Variants in CAST observed in about 807,000 individuals in gnomAD.
CAST encodes MIR583 host.
In CAST, 76 loss-of-function variants were observed where a neutral mutation model predicts 119.6. That is an observed-to-expected ratio of 0.64 (90% CI 0.53 to 0.77). The LOEUF (loss-of-function observed/expected upper bound fraction) is 0.77. Among genes scored for constraint, CAST ranks in the 30% least tolerant of loss-of-function variants. The probability of loss-of-function intolerance (pLI) is 0.00; values close to 1 mark genes in which losing one functional copy is unlikely to be tolerated. For missense variants in CAST, 953 were observed against 946.5 expected (o/e 1.01, Z -0.09); for synonymous variants, 319 against 331.6 (o/e 0.96, Z 0.41).
chr5:96,601,863 G>A (rs4869295), intron 1 of CAST, among the ~76,000 whole-genome samples: 2,154 of 152,106 alleles, frequency 0.014, 38 homozygotes, highest in African/African-American at 0.038. Flanking sequence ...GATAAGCACC[G>A]TAATGCTAAT....
At chr5:96,646,064 A>T (rs1190851390) in intron 1 of CAST, among the ~76,000 whole-genome samples, 2 of 152,166 alleles carry the variant, frequency 1.3e-5, no homozygotes, top group East Asian at 1.9e-4. Flanking sequence ...AATATATATT[A>T]AAACCACAAG....
At chr5:96,475,526 T>C in the CAST span, among the ~76,000 whole-genome samples, 2 of 152,188 alleles carry the variant, frequency 1.3e-5, no homozygotes, top group Non-Finnish European at 2.9e-5. Context: ...TGTGAAATAG[T>C]ACAAGGACAG....
the CAST span, among the ~76,000 whole-genome samples, chr5:96,172,027 G>T: frequency 6.6e-6 from 1 of 151,968 alleles, no homozygotes; most frequent in Non-Finnish European, 1.5e-5. Context: ...GAGCAATAAA[G>T]CTTTTTAATC....
the CAST span, among the ~76,000 whole-genome samples, chr5:96,232,699 T>C: frequency 6.6e-6 from 1 of 152,034 alleles, no homozygotes; most frequent in African/African-American, 2.4e-5. Flanking sequence ...AATTATAAGG[T>C]TCCTATTAAA....
chr5:95,983,098 A>G, the CAST span, among the ~76,000 whole-genome samples: 1 of 152,252 alleles, frequency 6.6e-6, no homozygotes, highest in African/African-American at 2.4e-5. Flanking sequence ...GTATGGTTCT[A>G]TTTACTTAAA....
At chr5:96,407,321 G>C in the CAST span, among the ~76,000 whole-genome samples, 2 of 152,160 alleles carry the variant, frequency 1.3e-5, no homozygotes, top group Non-Finnish European at 2.9e-5. Context: ...AGCAACCCCA[G>C]AAGACAAAGA....
chr5:96,763,340 C>A, intron 25 of CAST: 1 of 755,614 alleles, frequency 1.3e-6, no homozygotes, highest in Admixed American at 1.8e-5. Flanking sequence ...CAGTAAAATG[C>A]CCCGTGTGTG....
At chr5:96,674,921 TA>T (rs1212508955) in intron 1 of CAST, among the ~76,000 whole-genome samples, 2 of 152,348 alleles carry the variant, frequency 1.3e-5, no homozygotes, top group African/African-American at 4.8e-5. Context: ...TTGTACCCCA[TA>T]AAGATGTATG....
chr5:96,120,023 T>C, the CAST span, among the ~76,000 whole-genome samples: 10 of 152,310 alleles, frequency 6.6e-5, no homozygotes, highest in Admixed American at 3.3e-4. Context: ...TATTCCGAGA[T>C]ATCTTTCACT....
chr5:96,401,449 A>G, the CAST span, among the ~76,000 whole-genome samples: 1 of 152,192 alleles, frequency 6.6e-6, no homozygotes, highest in Admixed American at 6.5e-5. Context: ...CCAGAAAGGG[A>G]GCTTATACTT....
At chr5:96,664,799 A>G (rs769456133) in intron 1 of CAST, among the ~76,000 whole-genome samples, 2 of 152,182 alleles carry the variant, frequency 1.3e-5, no homozygotes, top group Non-Finnish European at 2.9e-5. Context: ...TTTCCAGTAC[A>G]TTTCCTGGGC....
At chr5:96,505,424 G>A in the CAST span, among the ~76,000 whole-genome samples, 7 of 151,842 alleles carry the variant, frequency 4.6e-5, no homozygotes, top group African/African-American at 1.5e-4. Context: ...AGGTTGCAGT[G>A]AGCCGAGACC....
chr5:96,311,052 T>G, the CAST span, among the ~76,000 whole-genome samples: 7 of 152,072 alleles, frequency 4.6e-5, no homozygotes, highest in Non-Finnish European at 8.8e-5. Flanking sequence ...TCTTTTATGA[T>G]GTAGGCATTT....
At chr5:96,302,870 A>G in the CAST span, among the ~76,000 whole-genome samples, 36 of 152,242 alleles carry the variant, frequency 2.4e-4, no homozygotes, top group African/African-American at 7.9e-4. Flanking sequence ...TTATCTTCCT[A>G]TCTTCTTCTG....
chr5:95,965,491 T>C, the CAST span, among the ~76,000 whole-genome samples: 1 of 152,230 alleles, frequency 6.6e-6, no homozygotes, highest in African/African-American at 2.4e-5. Context: ...AGTTAATTCT[T>C]ATTAATGTCT....
the CAST span, among the ~76,000 whole-genome samples, chr5:96,180,600 G>A: frequency 6.6e-6 from 1 of 152,048 alleles, no homozygotes; most frequent in African/African-American, 2.4e-5. Flanking sequence ...ACGAGAAAAG[G>A]GGAAATTTGA....
At chr5:96,048,450 G>C in the CAST span, among the ~76,000 whole-genome samples, 1 of 152,256 alleles carries the variant, frequency 6.6e-6, no homozygotes, top group Middle Eastern at 3.4e-3. Flanking sequence ...AAAGGGAAAT[G>C]TTAAGGATTC....
chr5:96,119,168 A>G, the CAST span, among the ~76,000 whole-genome samples: 3 of 152,188 alleles, frequency 2.0e-5, no homozygotes, highest in African/African-American at 2.4e-5. Flanking sequence ...AATAGACAAA[A>G]GAAGTCAAGG....
the CAST span, among the ~76,000 whole-genome samples, chr5:96,476,385 G>A: frequency 7.4e-4 from 113 of 151,876 alleles, no homozygotes; most frequent in African/African-American, 2.7e-3. Context: ...ACATTCATTC[G>A]AAAAAGTCTC....
Sources: allele counts gnomAD v4.1 joint callset (sites outside exome capture counted in the v4.1 genomes callset), GRCh38; gene constraint gnomAD v4.1.1; transcripts MANE v1.5; gene names NCBI Gene and HGNC (gene_info 2026-07-23, HGNC 2026-07-21).